TCF20: variants seen among roughly 807,000 people sequenced by gnomAD.
The protein encoded by TCF20 is transcription factor 20.
TCF20 carries 3 observed loss-of-function variants against 148.6 expected under a neutral mutation model. The ratio of observed to expected loss-of-function variants is 0.02; its 90% confidence interval spans 0.01 to 0.05. The LOEUF is 0.05. Ranked by LOEUF, TCF20 falls within the 10% of genes least tolerant of loss-of-function variation. The pLI, the probability that TCF20 is intolerant of heterozygous loss-of-function variation, is 1.00. For missense variants in TCF20, 2,350 were observed against 2,429.3 expected (o/e 0.97, Z 0.69); for synonymous variants, 1,049 against 909.5 (o/e 1.15, Z -2.76).
intron 1 of TCF20, among the ~76,000 whole-genome samples, chr22:42,247,059 A>C (rs1279560533): frequency 3.9e-5 from 6 of 152,086 alleles, no homozygotes; most frequent in Non-Finnish European, 7.4e-5. Context: ...TACAAACGTC[A>C]TGAAGGAAAC....
intron 1 of TCF20, among the ~76,000 whole-genome samples, chr22:42,266,845 T>C (rs752600710): frequency 2.6e-5 from 4 of 152,222 alleles, no homozygotes; most frequent in African/African-American, 9.6e-5. Context: ...TCTCCCGATA[T>C]CTTACCAACT....
At chr22:42,301,210 A>C (rs6002676) in intron 1 of TCF20, among the ~76,000 whole-genome samples, 1 of 152,010 alleles carries the variant, frequency 6.6e-6, no homozygotes, top group Non-Finnish European at 1.5e-5. Flanking sequence ...GGAGGTGTGT[A>C]AGCAGGAGAG....
chr22:42,202,311 T>C (rs1027830403), intron 2 of TCF20, among the ~76,000 whole-genome samples: 6 of 152,244 alleles, frequency 3.9e-5, no homozygotes, highest in African/African-American at 1.4e-4. Flanking sequence ...ACTGTTGAAA[T>C]GTGCCAAACA....
rs934911973 is a variant in TCF20 at position 42,322,670 on chromosome 22, G to C, written c.-37+20809C>G. Among the ~76,000 whole-genome samples the C allele has an allele frequency of 1.3e-5, 2 of 151,848 alleles. 1 individual carries two copies. The highest frequency in any genetic ancestry group is 2.9e-5 in the Non-Finnish European group (2 of 67,866). Reference sequence around the variant, plus strand: ...AGTGAGTGAGTGAGCAAGCGCCTGAGTGAGTGAGCACCTGAGGGAATGAAT... The same window carrying C: ...AGTGAGTGAGTGAGCAAGCGCCTGACTGAGTGAGCACCTGAGGGAATGAAT... On this transcript the variant is annotated intron_variant, in intron 1 of 1. Coordinates refer to the TCF20 transcript ENST00000515426.
At chr22:42,301,560 T>C (rs775239799) in intron 1 of TCF20, among the ~76,000 whole-genome samples, 11 of 152,180 alleles carry the variant, frequency 7.2e-5, no homozygotes, top group Non-Finnish European at 1.6e-4. Flanking sequence ...CAGGGCTTCC[T>C]AAGTCAAAGT....
intron 1 of TCF20, among the ~76,000 whole-genome samples, chr22:42,224,131 A>G (rs1287560589): frequency 3.3e-5 from 5 of 152,158 alleles, no homozygotes; most frequent in Non-Finnish European, 7.3e-5. Flanking sequence ...ACCTTGAATC[A>G]TGACCAAATA....
Position 42,292,748 on chromosome 22 carries a change from G to T in TCF20, c.-37+50731C>A, listed in dbSNP as rs564908951. On this transcript the variant is annotated intron_variant, in intron 1 of 1. Coordinates refer to the TCF20 transcript ENST00000515426. The surrounding 1 kb of genome is among the most constrained non-coding windows in gnomAD (Gnocchi z 4.9). ...AGACAAGGCTCGGATTGGATTCTCA[G>T]GCCTCTCTGCTCCCAGCCAGCCCCT... 8.0e-4 allele frequency among the ~76,000 whole-genome samples: 121 copies of T among 152,092 alleles called. No homozygotes were observed. Among genetic ancestry groups the T allele is most frequent in the African/African-American group, 2.8e-3 (115 of 41,488 alleles).
rs1328056212 is a variant in TCF20 at position 42,244,335 on chromosome 22, CAT to C, written c.-37+26002_-37+26003del. Reference sequence around the variant, plus strand: ...GTATCCAAACAAATAGATATACACACATGTTCATAGCAGCACTATTCAAAATA... The same window carrying C: ...GTATCCAAACAAATAGATATACACACGTTCATAGCAGCACTATTCAAAATA... On this transcript the variant is annotated intron_variant, in intron 1 of 5. Coordinates refer to ENST00000677622, the MANE Select transcript of TCF20 (RefSeq NM_001378418.1). Among the ~76,000 whole-genome samples the C allele has an allele frequency of 7.2e-5, 11 of 152,304 alleles. No homozygotes were observed. In the South Asian group the frequency reaches 1.0e-3, roughly 14 times the overall value.
intron 2 of TCF20, among the ~76,000 whole-genome samples, chr22:42,205,719 CG>C (rs747860564): frequency 3.0e-4 from 45 of 152,264 alleles, no homozygotes; most frequent in Admixed American, 1.3e-3. Context: ...AAGCTAGAAA[CG>C]GATCTTATAG....
At chr22:42,187,815 A>C (rs1378309767) in intron 2 of TCF20, among the ~76,000 whole-genome samples, 1 of 152,248 alleles carries the variant, frequency 6.6e-6, no homozygotes, top group African/African-American at 2.4e-5. Context: ...AATTAGCCAC[A>C]ATCTTGAGCA....
chr22:42,211,127 A>G lies in TCF20; in HGVS notation c.4179T>C (p.Pro1393=), dbSNP rs771760915. 6.2e-7 allele frequency: 1 copy of G among 1,614,150 alleles called. No individual in the cohort carries two copies. The highest frequency in any genetic ancestry group is 8.5e-7 in the Non-Finnish European group (1 of 1,180,024). ...DDILSLKSGP[P]EGGSVAVQDA... ...CCTGAACAGCAACACTCCCACCTTC[A>G]GGAGGACCACTCTTCAAAGACAGTA... The change falls in exon 2 of 6, where the codon CCT becomes CCC. Residue 1393 remains proline (P), a synonymous_variant. Transcript: ENST00000677622.
chr22:42,235,096 C>A (rs1923761418), intron 1 of TCF20, among the ~76,000 whole-genome samples: 1 of 148,152 alleles, frequency 6.7e-6, no homozygotes, highest in East Asian at 2.0e-4. Context: ...GAGCCGAGAT[C>A]GTGCCACTGC....
intron 3 of TCF20, 149 bp from the exon 4 acceptor site, chr22:42,170,045 G>T: frequency 1.5e-6 from 1 of 674,672 alleles, no homozygotes; most frequent in Non-Finnish European, 2.5e-6. Flanking sequence ...ACCCAAGTAA[G>T]CTATGATACC....
intron 1 of TCF20, among the ~76,000 whole-genome samples, chr22:42,242,474 T>C (rs963065995): frequency 2.0e-5 from 3 of 151,988 alleles, no homozygotes; most frequent in Admixed American, 1.3e-4. Flanking sequence ...CAATTAAATA[T>C]CTATTGTGGT....
intron 1 of TCF20, among the ~76,000 whole-genome samples, chr22:42,257,898 C>G (rs2147367270): frequency 6.6e-6 from 1 of 152,348 alleles, no homozygotes; most frequent in South Asian, 2.1e-4. Flanking sequence ...TGATATAACA[C>G]TTAGCACACT....
At chr22:42,268,630 A>G (rs1439883961) in intron 1 of TCF20, among the ~76,000 whole-genome samples, 1 of 152,242 alleles carries the variant, frequency 6.6e-6, no homozygotes, top group Non-Finnish European at 1.5e-5. Context: ...AAGATCTTGG[A>G]ACTCCTCTGA....
At chr22:42,239,534 T>C (rs1413151464) in intron 1 of TCF20, among the ~76,000 whole-genome samples, 1 of 151,224 alleles carries the variant, frequency 6.6e-6, no homozygotes, top group Non-Finnish European at 1.5e-5. Context: ...ATGCCTGTAA[T>C]CCCAGCACTT....
rs1442225623 is a variant in TCF20 at position 42,328,919 on chromosome 22, C to T, written c.-37+14560G>A. 3.3e-5 allele frequency among the ~76,000 whole-genome samples: 5 copies of T among 152,254 alleles called. No individual in the cohort carries two copies. The East Asian group carries it at 9.6e-4, about 29-fold the overall frequency. On this transcript the variant is annotated intron_variant, in intron 1 of 1. Transcript: ENST00000515426. ...TCCTGGTGCTCTCTCCAGCCTCGTG[C>T]CTCCCTGCCCACTGTGTGGGAAGCC... is the stretch of plus-strand genomic sequence containing the variant.
chr22:42,215,591 C>T (rs1240944094), intron 1 of TCF20: 1 of 440,130 alleles, frequency 2.3e-6, no homozygotes, highest in African/African-American at 2.0e-5. Flanking sequence ...TTGCCTCAGC[C>T]TCCCGAGTAG....
Sources: gnomAD v4.1 joint callset for allele counts (sites outside exome capture counted in the v4.1 genomes callset) on GRCh38, gnomAD v4.1.1 for gene constraint, Gnocchi (gnomAD v3.1) non-coding constraint, MANE v1.5 for transcripts, NCBI Gene and HGNC (gene_info 2026-07-23, HGNC 2026-07-21) for gene names.